The following ATP2B2 variants were observed in gnomAD, a reference collection of about 807,000 sequenced individuals.
The protein encoded by ATP2B2 is ATPase plasma membrane Ca2+ transporting 2.
In ATP2B2, 15 loss-of-function variants were observed where a neutral mutation model predicts 120.0. That is an observed-to-expected ratio of 0.12 (90% CI 0.08 to 0.19). ATP2B2 has a LOEUF of 0.19. Ranked by LOEUF, ATP2B2 falls within the 10% of genes least tolerant of loss-of-function variation. The pLI is 1.00. For synonymous variants in ATP2B2, 694 were observed against 700.3 expected, an observed-to-expected ratio of 0.99 and a Z score of 0.14; for missense variants, 1,045 against 1,719.8, an observed-to-expected ratio of 0.61 and a Z score of 6.94.
chr3:10,492,414 A>G (rs76460752), intron 1 of ATP2B2, among the ~76,000 whole-genome samples: 6,080 of 152,294 alleles, frequency 0.04, 165 homozygotes, highest in Admixed American at 0.066. Flanking sequence ...AAACAATGCG[A>G]CAAAGCCGAA....
chr3:10,675,738 G>A (rs1390137950), intron 1 of ATP2B2, among the ~76,000 whole-genome samples: 1 of 152,196 alleles, frequency 6.6e-6, no homozygotes, highest in Non-Finnish European at 1.5e-5. Context: ...AGTCCCTGGT[G>A]ATCGGCCTGT....
At chr3:10,413,543 A>C (rs1385148680) in intron 2 of ATP2B2, among the ~76,000 whole-genome samples, 3 of 152,212 alleles carry the variant, frequency 2.0e-5, no homozygotes, top group African/African-American at 7.2e-5. Context: ...CTAGGCCCTG[A>C]GAGCCCAGGG....
chr3:10,477,637 A>C (rs1234944001), intron 1 of ATP2B2, among the ~76,000 whole-genome samples: 1 of 152,182 alleles, frequency 6.6e-6, no homozygotes, highest in African/African-American at 2.4e-5. Context: ...TATAAGTGGA[A>C]TCATAACAGT....
At chr3:10,355,258 A>C (rs1357596240) in intron 14 of ATP2B2, among the ~76,000 whole-genome samples, 1 of 152,098 alleles carries the variant, frequency 6.6e-6, no homozygotes, top group Non-Finnish European at 1.5e-5. Context: ...CTCAGTTTTC[A>C]AGTGGGGAAA....
At chr3:10,673,498 C>CAG (rs58286719) in intron 1 of ATP2B2, among the ~76,000 whole-genome samples, 3,742 of 146,248 alleles carry the variant, frequency 0.026, 112 homozygotes, top group African/African-American at 0.081. Flanking sequence ...GAGAGAAAGA[C>CAG]AGAGAGAGAG....
At chr3:10,606,166 G>A (rs1406185691) in intron 2 of ATP2B2, among the ~76,000 whole-genome samples, 1 of 152,156 alleles carries the variant, frequency 6.6e-6, no homozygotes, top group African/African-American at 2.4e-5. Flanking sequence ...TCGGGTTGCT[G>A]TTTCCAGTGG....
chr3:10,526,800 C>T (rs954548650), intron 3 of ATP2B2, among the ~76,000 whole-genome samples: 1 of 152,106 alleles, frequency 6.6e-6, no homozygotes, highest in Non-Finnish European at 1.5e-5. Context: ...TGGCGAGTCC[C>T]TTCCCCTCTC....
At chr3:10,673,806 CAAAAAAAAAAA>C (rs549651187) in intron 1 of ATP2B2, among the ~76,000 whole-genome samples, 40 of 73,776 alleles carry the variant, frequency 5.4e-4, no homozygotes, top group East Asian at 3.2e-3. Context: ...GACCCTGTTT[CAAAAAAAAAAA>C]AAAAAAAAAA....
At chr3:10,442,622 T>G (rs928036769) in intron 2 of ATP2B2, among the ~76,000 whole-genome samples, 10 of 152,170 alleles carry the variant, frequency 6.6e-5, no homozygotes, top group Non-Finnish European at 1.3e-4. Flanking sequence ...GTAGTGGTGA[T>G]GGGGGGAGGT....
chr3:10,349,963 G>C (rs1015801612), intron 16 of ATP2B2, 149 bp downstream of exon 16: 4 of 757,396 alleles, frequency 5.3e-6, no homozygotes, highest in South Asian at 3.6e-5. Context: ...GGCTGAAAAG[G>C]GGGTGACATA....
intron 1 of ATP2B2, among the ~76,000 whole-genome samples, chr3:10,503,413 T>C (rs1388099098): frequency 6.6e-6 from 1 of 152,238 alleles, no homozygotes; most frequent in Non-Finnish European, 1.5e-5. Flanking sequence ...TAACCCAAGA[T>C]GGCCTTGCTG....
chr3:10,571,789 A>G (rs536352913), intron 2 of ATP2B2, among the ~76,000 whole-genome samples: 2 of 152,360 alleles, frequency 1.3e-5, no homozygotes, highest in Non-Finnish European at 2.9e-5. Context: ...AGCACCCAGC[A>G]GTGTCCTGTG....
intron 2 of ATP2B2, among the ~76,000 whole-genome samples, chr3:10,591,253 C>A (rs1429196654): frequency 6.6e-6 from 1 of 152,160 alleles, no homozygotes; most frequent in African/African-American, 2.4e-5. Context: ...AGTGCACACA[C>A]AGCCCCCTTC....
chr3:10,378,571 G>T (rs991420110), intron 9 of ATP2B2, among the ~76,000 whole-genome samples, 161 bp from the exon 10 acceptor site: 3 of 152,224 alleles, frequency 2.0e-5, no homozygotes, highest in African/African-American at 7.2e-5. Flanking sequence ...GTCCTGTGAT[G>T]GGGGCCTGCC....
intron 1 of ATP2B2, among the ~76,000 whole-genome samples, chr3:10,627,781 A>G (rs1386949479): frequency 1.3e-5 from 2 of 152,210 alleles, no homozygotes; most frequent in Non-Finnish European, 2.9e-5. Flanking sequence ...GTGGTGAGCT[A>G]AGGTAGACCC....
At chr3:10,526,493 A>G (rs1427391396) in intron 3 of ATP2B2, among the ~76,000 whole-genome samples, 1 of 152,156 alleles carries the variant, frequency 6.6e-6, no homozygotes, top group African/African-American at 2.4e-5. Context: ...CCCTGGACAC[A>G]GGGATTGGGA....
At chr3:10,425,309 C>CAA (rs34350429) in intron 2 of ATP2B2, among the ~76,000 whole-genome samples, 2 of 148,088 alleles carry the variant, frequency 1.4e-5, no homozygotes, top group African/African-American at 5.0e-5. Context: ...GATGCTGTCT[C>CAA]AAAAAAAAAA....
intron 21 of ATP2B2, chr3:10,338,771 T>C (rs2060198289): frequency 3.3e-6 from 1 of 303,554 alleles, no homozygotes; most frequent in Non-Finnish European, 6.3e-6. Flanking sequence ...GCTCTGGGCA[T>C]GGTGAGAACT....
At chr3:10,707,206 G>A (rs1380089761) in intron 1 of ATP2B2, among the ~76,000 whole-genome samples, 6 of 152,212 alleles carry the variant, frequency 3.9e-5, no homozygotes, top group Non-Finnish European at 7.3e-5. Context: ...CTGTGGATCT[G>A]AGGACCCACT....
Sources: allele counts gnomAD v4.1 joint callset (sites outside exome capture counted in the v4.1 genomes callset), GRCh38; gene constraint gnomAD v4.1.1; transcripts MANE v1.5; gene names NCBI Gene and HGNC (gene_info 2026-07-23, HGNC 2026-07-21).